Variants in ASB3 observed in about 807,000 individuals in gnomAD.
ASB3 encodes ankyrin repeat and SOCS box containing 3.
In ASB3, 41 loss-of-function variants were observed where a neutral mutation model predicts 54.5. That is an observed-to-expected ratio of 0.75 (90% confidence interval 0.59 to 0.98). The LOEUF (loss-of-function observed/expected upper bound fraction) is 0.98, where lower values mean the gene tolerates loss of function less well. Ranked by LOEUF, ASB3 falls within the 50% of genes least tolerant of loss-of-function variation. The pLI, the probability that ASB3 is intolerant of heterozygous loss-of-function variation, is 0.00. For synonymous variants in ASB3, 266 were observed against 221.2 expected, an observed-to-expected ratio of 1.20 and a Z score of -1.80; for missense variants, 733 against 620.0, an observed-to-expected ratio of 1.18 and a Z score of -1.94.
intron 1 of ASB3, chr2:53,786,564 A>G (rs1675020941): frequency 6.6e-6 from 1 of 152,358 alleles, no homozygotes. Context: ...ATAAGCCTCA[A>G]GCGGGAAAAA....
chr2:53,693,725 G>A (rs1250880521), intron 9 of ASB3, among the ~76,000 whole-genome samples, 159 bp downstream of exon 9: 2 of 152,074 alleles, frequency 1.3e-5, no homozygotes, highest in Non-Finnish European at 2.9e-5. Context: ...GGAATTACTA[G>A]CCATCCCCTA....
chr2:53,688,072 G>A lies in ASB3; in HGVS notation c.1369+5812C>T, dbSNP rs535629095. ...TGGCCTCAAGCAATCCTCCCACCTC[G>A]GCCTCTCAAAGTGGGATTACAGGCG... On this transcript the variant is annotated intron_variant, in intron 9 of 9. Coordinates refer to ENST00000263634, the MANE Select transcript of ASB3 (RefSeq NM_016115.5). Among the ~76,000 whole-genome samples the A allele has an allele frequency of 1.6e-4, 24 of 152,180 alleles. No homozygotes were observed. In the East Asian group the frequency reaches 2.5e-3, roughly 16 times the overall value.
At chr2:53,690,471 A>G (rs1223823524) in intron 9 of ASB3, among the ~76,000 whole-genome samples, 2 of 152,132 alleles carry the variant, frequency 1.3e-5, no homozygotes, top group African/African-American at 4.8e-5. Context: ...ACAACAGTCC[A>G]TGTAAAAGAA....
At chr2:53,731,615 T>A (rs753616306) in intron 3 of ASB3, among the ~76,000 whole-genome samples, 4 of 152,180 alleles carry the variant, frequency 2.6e-5, no homozygotes, top group African/African-American at 4.8e-5. Context: ...GGCTCTCAGG[T>A]ACCACATAAA....
chr2:53,747,452 A>T (rs1011899612), intron 3 of ASB3, among the ~76,000 whole-genome samples: 2 of 152,310 alleles, frequency 1.3e-5, no homozygotes, highest in South Asian at 4.1e-4. Context: ...AGGCTGAGGC[A>T]GGAGAAACAC....
At chr2:53,771,957 TTC>T (rs769279670) in intron 1 of ASB3, 3 of 1,398,060 alleles carry the variant, frequency 2.1e-6, no homozygotes, top group Non-Finnish European at 2.9e-6. Flanking sequence ...GGTATAAATA[TTC>T]TTTTTTGTAT....
At chr2:53,686,172 C>G (rs1399924503) in intron 9 of ASB3, among the ~76,000 whole-genome samples, 1 of 152,140 alleles carries the variant, frequency 6.6e-6, no homozygotes, top group Non-Finnish European at 1.5e-5. Context: ...TCTTGAGAAC[C>G]AACAGGAAAC....
chr2:53,683,897 C>T (rs1006038345), intron 9 of ASB3, among the ~76,000 whole-genome samples: 1 of 152,064 alleles, frequency 6.6e-6, no homozygotes, highest in Non-Finnish European at 1.5e-5. Flanking sequence ...TTTCAAGAAA[C>T]CAACTGTTTG....
chr2:53,670,348 T>C lies in ASB3; in HGVS notation c.*155A>G, dbSNP rs1046535660. ...GGAAGGCTAGTTGTAAACATAAACATTCTCACTGAACTACTGGCCCCCCAA... is the reference window on the plus strand; with the variant it reads ...GGAAGGCTAGTTGTAAACATAAACACTCTCACTGAACTACTGGCCCCCCAA... On this transcript the variant is annotated 3_prime_UTR_variant, in exon 10 of 10. Transcript: ENST00000263634. 1.6e-5 allele frequency: 8 copies of C among 503,188 alleles called. No individual in the cohort carries two copies. Among genetic ancestry groups the C allele is most frequent in the African/African-American group, 1.2e-4 (6 of 48,074 alleles). The allele number at this position is 503,188 out of a possible 1,614,324, so 31.2% of individuals were successfully genotyped here.
At chr2:53,741,715 T>A (rs1449821214) in intron 3 of ASB3, among the ~76,000 whole-genome samples, 2 of 152,214 alleles carry the variant, frequency 1.3e-5, no homozygotes, top group Non-Finnish European at 1.5e-5. Flanking sequence ...AAAATGAATA[T>A]GGACTTCCAA....
chr2:53,759,109 A>T (rs1202277190), intron 2 of ASB3, among the ~76,000 whole-genome samples: 1 of 152,234 alleles, frequency 6.6e-6, no homozygotes, highest in Non-Finnish European at 1.5e-5. Flanking sequence ...AATCTCTGGT[A>T]TCTCAGTCAG....
chr2:53,771,806 AAATAT>A, intron 1 of ASB3: 1 of 751,088 alleles, frequency 1.3e-6, no homozygotes, highest in East Asian at 2.5e-5. Context: ...TCTTATGAGC[AAATAT>A]AATTCAAATA....
chr2:53,706,583 C>G (rs1442036169), intron 7 of ASB3, among the ~76,000 whole-genome samples: 1 of 151,984 alleles, frequency 6.6e-6, no homozygotes, highest in East Asian at 1.9e-4. Context: ...GTAGTTGGGA[C>G]TATAGGCACG....
At chr2:53,756,723 G>A (rs569979121) in intron 2 of ASB3, 3 of 152,940 alleles carry the variant, frequency 2.0e-5, no homozygotes, top group South Asian at 3.6e-4. Context: ...TCTCTGGTCC[G>A]TGTTTGTTCC....
At chr2:53,762,006 A>G (rs1373132816) in intron 2 of ASB3, among the ~76,000 whole-genome samples, 1 of 152,242 alleles carries the variant, frequency 6.6e-6, no homozygotes, top group East Asian at 1.9e-4. Flanking sequence ...CACTCAAGAG[A>G]GCAGAAGAGT....
intron 9 of ASB3, among the ~76,000 whole-genome samples, chr2:53,690,069 C>T (rs1017006528): frequency 6.6e-6 from 1 of 151,438 alleles, no homozygotes; most frequent in African/African-American, 2.4e-5. Flanking sequence ...AACCCTGTCT[C>T]AACAAAAAAT....
Position 53,750,896 on chromosome 2 carries a change from C to T in ASB3, c.242G>A (p.Cys81Tyr). The change falls in exon 3 of 10, where the codon TGT (cysteine) becomes TAT (tyrosine). Residue 81 changes from cysteine (C) to tyrosine (Y), a missense_variant. Physicochemically the swap from Cys to Tyr is radical, Grantham distance 194. Transcript: ENST00000263634. ...TTGACTTGCAGCGAGATGCAAAGCA[C>T]AGAAACCTTCAAAGGTCTTCATCTT... ...YIKMKTFEGF[C>Y]ALHLAASQGH... 6.2e-7 allele frequency: 1 copy of T among 1,600,080 alleles called. No homozygotes were observed. Among genetic ancestry groups the T allele is most frequent in the Non-Finnish European group, 8.5e-7 (1 of 1,173,470 alleles).
intron 1 of ASB3, among the ~76,000 whole-genome samples, chr2:53,767,061 A>G (rs908429558): frequency 6.6e-6 from 1 of 152,176 alleles, no homozygotes. Context: ...GGAGAAACTC[A>G]TGAAAGCTGT....
rs552984410 is a variant in ASB3, at chr2:53,703,717, G to A, written c.981-3189C>T. The stretch of plus-strand genomic sequence containing the variant: ...TTTATTAGAATACAACAGGTCAATA[G>A]TGCAAGAAAGTCCACAAATAGTAAA... On this transcript the variant is annotated intron_variant, in intron 7 of 9. Coordinates refer to ENST00000263634, the MANE Select transcript of ASB3 (RefSeq NM_016115.5). Among the ~76,000 whole-genome samples the A allele has an allele frequency of 1.3e-4, 20 of 152,200 alleles. No individual in the cohort carries two copies. In the East Asian group the frequency reaches 3.7e-3, roughly 28 times the overall value.
Sources: allele counts gnomAD v4.1 joint callset (sites outside exome capture counted in the v4.1 genomes callset), GRCh38; gene constraint gnomAD v4.1.1; transcripts MANE v1.5; gene names NCBI Gene and HGNC (gene_info 2026-07-23, HGNC 2026-07-21).